MED25: variants seen among roughly 807,000 people sequenced by gnomAD.
MED25 encodes the protein mediator complex subunit 25.
Under a neutral mutation model 89.4 loss-of-function variants are expected in MED25, and 62 were observed. The observed-to-expected ratio is 0.69, with a 90% CI of 0.57 to 0.86. MED25 has a LOEUF of 0.86. Ranked by LOEUF, MED25 falls within the 40% of genes least tolerant of loss-of-function variation. The pLI is 0.00. For synonymous variants in MED25, 449 were observed against 427.9 expected, an observed-to-expected ratio of 1.05 and a Z score of -0.61; for missense variants, 905 against 1,005.2, an observed-to-expected ratio of 0.90 and a Z score of 1.35.
At chr19:49,839,379 G>A (rs550468504), downstream of MED25, 20 of 160,754 alleles carry the variant, frequency 1.2e-4, no homozygotes, top group African/African-American at 4.8e-4. Context: ...TCCATCATCA[G>A]GAGTTGACTT....
downstream of MED25, chr19:49,840,320 A>G (rs1225668845): frequency 6.6e-6 from 1 of 152,176 alleles, no homozygotes; most frequent in African/African-American, 2.4e-5. Context: ...AACTCCAGTA[A>G]CATCCATGTT....
chr19:49,826,412 G>A (rs546608542), intron 3 of MED25, among the ~76,000 whole-genome samples: 14 of 152,278 alleles, frequency 9.2e-5, no homozygotes, highest in African/African-American at 3.1e-4. Context: ...AGCAGCGCCC[G>A]AGTGCCCTGA....
Position 49,831,388 on chromosome 19 carries a change from C to T in MED25, c.1157C>T (p.Ala386Val), listed in dbSNP as rs1427321438. 5 of 1,610,710 alleles carry T rather than the reference C, an allele frequency of 3.1e-6. No homozygotes were observed. The Admixed American group carries it at 5.0e-5, about 16-fold the overall frequency. The change falls in exon 10 of 18, where the codon GCC becomes GTC. Residue 386 changes from alanine (A) to valine (V), a missense_variant. Physicochemically the swap from Ala to Val is moderately conservative, Grantham distance 64. This residue lies in a region of MED25 where 501 missense variants were observed against 526.9 expected (regional missense o/e 0.95). Coordinates refer to ENST00000312865, the MANE Select transcript of MED25 (RefSeq NM_030973.4). The surrounding 1 kb of genome is among the most constrained non-coding windows in gnomAD (Gnocchi z 5.0). ...VSGPSPAQLG[A>V]PALGGQQSVS... ...GGCCCTTCCCCAGCCCAGCTGGGAG[C>T]CCCAGCCCTCGGTGGGCAGCAGTCA...
chr19:49,831,266 A>C lies in MED25; in HGVS notation c.1102-67A>C. 1 of 1,549,096 alleles carries C rather than the reference A, an allele frequency of 6.5e-7. No individual in the cohort carries two copies. Among genetic ancestry groups the C allele is most frequent in the Non-Finnish European group, 8.7e-7 (1 of 1,143,264 alleles). On this transcript the variant is annotated intron_variant, in intron 9 of 17. Coordinates refer to ENST00000312865, the MANE Select transcript of MED25 (RefSeq NM_030973.4). The surrounding 1 kb of genome is among the most constrained non-coding windows in gnomAD (Gnocchi z 5.0). The stretch of plus-strand genomic sequence containing the variant: ...CTTTCCTCCTTCCTGGTTTGCCCTC[A>C]CAGGATGGCCCCCGGAGGCTCCCGG...
rs2123880339 is a variant in MED25 at position 49,830,865 on chromosome 19, C to G, written c.1079C>G (p.Ala360Gly). The change falls in exon 9 of 18, where the codon GCA (alanine) becomes GGA (glycine). Residue 360 changes from alanine to glycine, a missense_variant. Transcript: ENST00000312865. This position sits in a 1 kb window ranked among gnomAD's most constrained non-coding sequence, Gnocchi z 4.6. ...VAPGSGLAPT[A>G]QPGAPSMAGT... ...CCTGGCTCCGGCCTGGCTCCCACGG[C>G]ACAGCCCGGGGCACCGTCCATGGTA... The G allele has an allele frequency of 1.2e-6, 2 of 1,611,448 alleles. No individual in the cohort carries two copies. Among genetic ancestry groups the G allele is most frequent in the Non-Finnish European group, 1.7e-6 (2 of 1,179,886 alleles).
chr19:49,836,759 A>G lies in MED25; in HGVS notation c.2147-88A>G. ...GAAGGTGCTTCTGTTGGGTCCCCCA[A>G]GGGCTGCCTAGAAAACTTAGTGCCT... On this transcript the variant is annotated intron_variant, in intron 17 of 17. Coordinates refer to ENST00000312865, the MANE Select transcript of MED25 (RefSeq NM_030973.4). This position sits in a 1 kb window ranked among gnomAD's most constrained non-coding sequence, Gnocchi z 5.1. The G allele has an allele frequency of 1.0e-6, 1 of 987,756 alleles. No homozygotes were observed. Among genetic ancestry groups the G allele is most frequent in the Non-Finnish European group, 1.6e-6 (1 of 629,196 alleles). 61.2% of individuals were successfully genotyped at this position (987,756 alleles called of 1,614,324 possible).
Position 49,836,213 on chromosome 19 carries a change from T to C in MED25, c.1966-13T>C. ...TACCAGGAGCCTCTGAGCCACTCTC[T>C]GTGTTCTCCCAGCCGCAGACTGGGG... On this transcript the variant is annotated splice_polypyrimidine_tract_variant and intron_variant, in intron 16 of 17. Coordinates refer to ENST00000312865, the MANE Select transcript of MED25 (RefSeq NM_030973.4). This position sits in a 1 kb window ranked among gnomAD's most constrained non-coding sequence, Gnocchi z 5.1. 6.2e-7 allele frequency: 1 copy of C among 1,611,434 alleles called. No homozygotes were observed. Among genetic ancestry groups the C allele is most frequent in the Non-Finnish European group, 8.5e-7 (1 of 1,179,652 alleles).
Position 49,836,330 on chromosome 19 carries a change from G to T in MED25, c.2070G>T (p.Gln690His). The change falls in exon 17 of 18, where the codon CAG becomes CAT. Residue 690 changes from glutamine (Q) to histidine (H), a missense_variant. By Grantham distance (24) the Gln-to-His change is conservative (BLOSUM62 0). Transcript: ENST00000312865. This position sits in a 1 kb window ranked among gnomAD's most constrained non-coding sequence, Gnocchi z 5.1. ...CGCACCAGGGCCTGGGGCAGCCCCA[G>T]TTGGGGCCCCCACTCCTGCATCCAC... ...PPPHQGLGQP[Q>H]LGPPLLHPPP... The T allele has an allele frequency of 3.1e-6, 5 of 1,610,412 alleles. No individual in the cohort carries two copies. The highest frequency in any genetic ancestry group is 3.4e-6 in the Non-Finnish European group (4 of 1,178,840).
At chr19:49,832,598 C>T (rs2074066702) in intron 13 of MED25, among the ~76,000 whole-genome samples, 183 bp downstream of exon 13, 1 of 152,140 alleles carries the variant, frequency 6.6e-6, no homozygotes, top group Non-Finnish European at 1.5e-5. Context: ...TCATCGTATG[C>T]ACCAGATTTG....
downstream of MED25, chr19:49,837,096 T>C (rs1252254902): frequency 4.1e-6 from 3 of 725,456 alleles, no homozygotes; most frequent in Admixed American, 4.2e-5. Flanking sequence ...TGAATGACGC[T>C]GGGGCCTCCG....
In MED25 at chr19:49,830,754, C is replaced by A; in HGVS notation, c.968C>A (p.Ala323Asp). 1 of 1,613,254 alleles carries A rather than the reference C, an allele frequency of 6.2e-7. No homozygotes were observed. Among genetic ancestry groups the A allele is most frequent in the Non-Finnish European group, 8.5e-7 (1 of 1,179,440 alleles). ...GGAGTGGGTCCCCCCTTCAGCCAGG[C>A]CCCAGCTCCCCAACTACCCCCAGGA... ...APGVGPPFSQ[A>D]PAPQLPPGPP... The change falls in exon 9 of 18, where the codon GCC becomes GAC. Residue 323 changes from alanine (A) to aspartate (D), a missense_variant. Coordinates refer to ENST00000312865, the MANE Select transcript of MED25 (RefSeq NM_030973.4). This position sits in a 1 kb window ranked among gnomAD's most constrained non-coding sequence, Gnocchi z 4.6.
chr19:49,829,921 G>GTGC lies in MED25; in HGVS notation c.664_666dup (p.Leu222dup). The GTGC allele has an allele frequency of 6.2e-7, 1 of 1,613,020 alleles. No individual in the cohort carries two copies. Among genetic ancestry groups the GTGC allele is most frequent in the Non-Finnish European group, 8.5e-7 (1 of 1,179,616 alleles). ...TGTGAGCCAGGACCCGAGGCACATGGTGCTGGTTCGGGGACTCGTGCTGCC... is the reference window on the plus strand; with the variant it reads ...TGTGAGCCAGGACCCGAGGCACATGGTGCTGCTGGTTCGGGGACTCGTGCTGCC... On this transcript the variant is annotated inframe_insertion, in exon 6 of 18. Coordinates refer to ENST00000312865, the MANE Select transcript of MED25 (RefSeq NM_030973.4). The surrounding 1 kb of genome is among the most constrained non-coding windows in gnomAD (Gnocchi z 4.6).
intron 3 of MED25, among the ~76,000 whole-genome samples, chr19:49,825,622 G>A (rs900664721): frequency 5.9e-5 from 9 of 151,648 alleles, no homozygotes; most frequent in Admixed American, 1.3e-4. Context: ...ACCTGAGGTC[G>A]GGAGTTCGAG....
chr19:49,819,083 G>A, intron 2 of MED25, 89 bp from the exon 3 acceptor site: 1 of 1,518,530 alleles, frequency 6.6e-7, no homozygotes, highest in Non-Finnish European at 9.0e-7. Flanking sequence ...TGGTTCTGGA[G>A]GAACGGGAAG....
chr19:49,837,668 C>T (rs185578413), downstream of MED25, among the ~76,000 whole-genome samples: 16 of 152,148 alleles, frequency 1.1e-4, 1 homozygote, highest in South Asian at 2.3e-3. Context: ...GCCAGGCCTA[C>T]GTGATGGTAG....
chr19:49,838,821 A>G (rs774099788), downstream of MED25: 4 of 445,920 alleles, frequency 9.0e-6, no homozygotes, highest in South Asian at 6.3e-5. Context: ...TCAAATGTCA[A>G]TAGGGTTTGT....
At position 49,832,164 on chromosome 19, in the gene MED25, G is replaced by A; in HGVS notation, c.1374+7G>A. The A allele has an allele frequency of 1.2e-6, 2 of 1,611,904 alleles. No homozygotes were observed. The highest frequency in any genetic ancestry group is 2.2e-5 in the South Asian group (2 of 90,996). On this transcript the variant is annotated splice_region_variant and intron_variant, in intron 12 of 17. Coordinates refer to ENST00000312865, the MANE Select transcript of MED25 (RefSeq NM_030973.4). ...CATCCCCCAGCAGCTGCTGGTGAGTGGCGGTGGAGGGCCAGCCCTGCTGCC... is the reference window on the plus strand; with the variant it reads ...CATCCCCCAGCAGCTGCTGGTGAGTAGCGGTGGAGGGCCAGCCCTGCTGCC...
At chr19:49,832,279 A>G (rs201795326) in intron 12 of MED25, 29 bp from the exon 13 acceptor site, 82 of 1,551,748 alleles carry the variant, frequency 5.3e-5, no homozygotes, top group Non-Finnish European at 6.7e-5. Context: ...CCACACCAGC[A>G]TGCCAGCCGA....
At position 49,822,002 on chromosome 19, in the gene MED25, G is replaced by A. The variant is rs570950263; in HGVS notation, c.305+2706G>A. Among the ~76,000 whole-genome samples, 43 of 150,364 alleles carry A rather than the reference G, an allele frequency of 2.9e-4. 3 individuals carry two copies. Among genetic ancestry groups the A allele is most frequent in the African/African-American group, 9.1e-4 (37 of 40,562 alleles). On this transcript the variant is annotated intron_variant, in intron 3 of 17. Coordinates refer to ENST00000312865, the MANE Select transcript of MED25 (RefSeq NM_030973.4). Reference sequence around the variant, plus strand: ...AAATTGGGCAGGCGTGGTGGCTCACGCCTGTAATCCCAGCACTTTGGGAGG... The same window carrying A: ...AAATTGGGCAGGCGTGGTGGCTCACACCTGTAATCCCAGCACTTTGGGAGG...
Sources: gnomAD v4.1 joint callset for allele counts (sites outside exome capture counted in the v4.1 genomes callset) on GRCh38, gnomAD v4.1.1 for gene constraint, gnomAD v4.1.1 regional missense constraint, Gnocchi (gnomAD v3.1) non-coding constraint, MANE v1.5 for transcripts, NCBI Gene and HGNC (gene_info 2026-07-23, HGNC 2026-07-21) for gene names.